KIAA1217: variants seen among roughly 807,000 people sequenced by gnomAD.
KIAA1217 encodes the protein KIAA1217, also known as sickle tail protein homolog.
A neutral mutation model predicts 163.9 loss-of-function variants in KIAA1217; 88 were observed. The observed-to-expected ratio is 0.54, with a 90% CI of 0.45 to 0.64. KIAA1217 has a LOEUF of 0.64. KIAA1217 is among the 30% of genes least tolerant of loss of function. The probability of loss-of-function intolerance (pLI) is 0.00; values close to 1 mark genes in which losing one functional copy is unlikely to be tolerated. For synonymous variants in KIAA1217, 903 were observed against 923.1 expected, an observed-to-expected ratio of 0.98 and a Z score of 0.39; for missense variants, 2,372 against 2,475.0, an observed-to-expected ratio of 0.96 and a Z score of 0.88.
At chr10:23,924,839 T>C (rs1307818711) in intron 1 of KIAA1217, among the ~76,000 whole-genome samples, 1 of 152,174 alleles carries the variant, frequency 6.6e-6, no homozygotes, top group Non-Finnish European at 1.5e-5. Context: ...TACTGAAATT[T>C]GCAAATGCTA....
At chr10:24,192,031 A>G (rs1172724424) in intron 2 of KIAA1217, among the ~76,000 whole-genome samples, 3 of 152,230 alleles carry the variant, frequency 2.0e-5, no homozygotes, top group Non-Finnish European at 2.9e-5. Context: ...GGCGTGAGCT[A>G]CTGCTCCCAA....
rs563129095 is a variant in KIAA1217, at chr10:24,246,210, G to A, written c.354+26301G>A. On this transcript the variant is annotated intron_variant, in intron 2 of 20. Transcript: ENST00000376454. ...TGTGGGCTGTGTGTGTGTTTATGAC[G>A]GTCAGAAGAAGACAGACTCTCATTT... 1.3e-3 allele frequency among the ~76,000 whole-genome samples: 202 copies of A among 152,156 alleles called. 1 individual carries two copies. The highest frequency in any genetic ancestry group is 4.7e-3 in the African/African-American group (194 of 41,514).
intron 3 of KIAA1217, among the ~76,000 whole-genome samples, chr10:24,420,812 A>G (rs1414401007): frequency 1.3e-5 from 2 of 152,148 alleles, no homozygotes; most frequent in Non-Finnish European, 2.9e-5. Flanking sequence ...CTCTTCTGTC[A>G]TATATCAAGC....
intron 11 of KIAA1217, among the ~76,000 whole-genome samples, chr10:24,520,620 T>G (rs1370768970): frequency 1.2e-5 from 1 of 82,770 alleles, no homozygotes; most frequent in Non-Finnish European, 2.1e-5. Context: ...GAGACTCACA[T>G]CTCTACCAAA....
At chr10:23,803,704 G>GT (rs1836591557) in intron 1 of KIAA1217, among the ~76,000 whole-genome samples, 1 of 152,136 alleles carries the variant, frequency 6.6e-6, no homozygotes. Flanking sequence ...TTTTAAATCA[G>GT]TGAAAGATTA....
At chr10:24,372,651 G>A (rs915791027) in intron 2 of KIAA1217, among the ~76,000 whole-genome samples, 1 of 152,048 alleles carries the variant, frequency 6.6e-6, no homozygotes, top group Admixed American at 6.6e-5. Flanking sequence ...AATAAAAGGT[G>A]AAATTATTTA....
Position 24,473,615 on chromosome 10 carries a change from G to GTACAC in KIAA1217, c.1234_1235insTACAC (p.Gly412ValfsTer72). 1 of 1,614,052 alleles carries GTACAC rather than the reference G, an allele frequency of 6.2e-7. No homozygotes were observed. The highest frequency in any genetic ancestry group is 8.5e-7 in the Non-Finnish European group (1 of 1,180,016). Reference sequence around the variant, plus strand: ...GATGAGCATAGCCTCATCCCATGGTGGACACCCACTGGATGTCCCCGACCA... The same window carrying GTACAC: ...GATGAGCATAGCCTCATCCCATGGTGTACACGACACCCACTGGATGTCCCCGACCA... On this transcript the variant is annotated frameshift_variant, in exon 6 of 21. Coordinates refer to ENST00000376454, the MANE Select transcript of KIAA1217 (RefSeq NM_019590.5). LOFTEE classifies it high-confidence loss of function.
chr10:24,304,531 G>A (rs1321303739), intron 2 of KIAA1217, among the ~76,000 whole-genome samples: 2 of 151,712 alleles, frequency 1.3e-5, no homozygotes, highest in African/African-American at 2.4e-5. Flanking sequence ...TTATAGGGAC[G>A]GGGTCTCGTT....
chr10:24,125,322 CTGTGTGTGTGTGTG>C (rs58143239), intron 2 of KIAA1217, among the ~76,000 whole-genome samples: 4,775 of 143,810 alleles, frequency 0.033, 262 homozygotes, highest in African/African-American at 0.11. Context: ...ATCCTATGCT[CTGTGTGTGTGTGTG>C]TGTGTGTGTG....
chr10:24,214,771 A>G (rs150834673), intron 1 of KIAA1217, among the ~76,000 whole-genome samples: 152 of 152,362 alleles, frequency 1.0e-3, no homozygotes, highest in African/African-American at 3.7e-3. Flanking sequence ...AGAAGCCACT[A>G]GAAAGAAGTG....
At chr10:24,476,578 A>G (rs2064066588) in intron 6 of KIAA1217, among the ~76,000 whole-genome samples, 1 of 152,228 alleles carries the variant, frequency 6.6e-6, no homozygotes, top group East Asian at 1.9e-4. Context: ...CACCTAAAAT[A>G]CAGTCATTAT....
intron 1 of KIAA1217, among the ~76,000 whole-genome samples, chr10:23,798,841 G>GTCC: frequency 6.6e-6 from 1 of 152,352 alleles, no homozygotes; most frequent in East Asian, 1.9e-4. Context: ...AAGGATGAGA[G>GTCC]ATGGTGCCAG....
At chr10:23,787,777 C>T (rs548364576) in intron 1 of KIAA1217, among the ~76,000 whole-genome samples, 1 of 152,190 alleles carries the variant, frequency 6.6e-6, no homozygotes, top group African/African-American at 2.4e-5. Context: ...AACAAATAAT[C>T]GTAAAAATGT....
chr10:24,039,032 C>A (rs1337820738), intron 2 of KIAA1217, among the ~76,000 whole-genome samples: 1 of 152,168 alleles, frequency 6.6e-6, no homozygotes, highest in Non-Finnish European at 1.5e-5. Flanking sequence ...ACATGAGCCA[C>A]CGCACCCAGC....
chr10:23,861,476 T>C (rs188212542), intron 1 of KIAA1217, among the ~76,000 whole-genome samples: 1 of 152,260 alleles, frequency 6.6e-6, no homozygotes, highest in East Asian at 1.9e-4. Context: ...ACTTTGCAGA[T>C]GTAATTAGGG....
intron 1 of KIAA1217, among the ~76,000 whole-genome samples, chr10:23,794,993 C>T (rs1001260382): frequency 1.3e-5 from 2 of 152,252 alleles, no homozygotes; most frequent in African/African-American, 2.4e-5. Context: ...GCTGGGAAGC[C>T]CCAGGGCTTT....
intron 1 of KIAA1217, among the ~76,000 whole-genome samples, chr10:23,887,838 G>C (rs924721270): frequency 3.3e-5 from 5 of 151,734 alleles, no homozygotes; most frequent in Admixed American, 6.6e-5. Context: ...TAAAACAACT[G>C]GAAAGTTTTA....
intron 2 of KIAA1217, among the ~76,000 whole-genome samples, chr10:24,342,144 A>G (rs1311922757): frequency 6.6e-6 from 1 of 152,234 alleles, no homozygotes; most frequent in African/African-American, 2.4e-5. Context: ...AAATACACAC[A>G]AGGCCATGGT....
intron 2 of KIAA1217, among the ~76,000 whole-genome samples, chr10:24,049,255 C>G (rs1158927037): frequency 6.6e-6 from 1 of 151,844 alleles, no homozygotes; most frequent in East Asian, 1.9e-4. Flanking sequence ...GTAGAGAGAT[C>G]AATAACTCAA....
Sources: allele counts gnomAD v4.1 joint callset (sites outside exome capture counted in the v4.1 genomes callset), GRCh38; gene constraint gnomAD v4.1.1; transcripts MANE v1.5; gene names NCBI Gene and HGNC (gene_info 2026-07-23, HGNC 2026-07-21).